Variants in HABP2 observed in about 807,000 individuals in gnomAD.
The protein encoded by HABP2 is factor VII-activating protease.
Under a neutral mutation model 66.5 loss-of-function variants are expected in HABP2, and 65 were observed. That is an observed-to-expected ratio of 0.98 (90% CI 0.80 to 1.20). The LOEUF (loss-of-function observed/expected upper bound fraction) is 1.20. Among genes scored for constraint, HABP2 ranks in the 50% most tolerant of loss-of-function variants. The pLI, the probability that HABP2 is intolerant of heterozygous loss-of-function variation, is 0.00. For missense variants in HABP2, 786 were observed against 691.0 expected (o/e 1.14, Z -1.54); for synonymous variants, 263 against 253.9 (o/e 1.04, Z -0.34).
At chr10:113,567,167 GA>G (rs1489894989) in intron 1 of HABP2, among the ~76,000 whole-genome samples, 5 of 152,152 alleles carry the variant, frequency 3.3e-5, no homozygotes, top group African/African-American at 9.7e-5. Flanking sequence ...GGGAGTAGAT[GA>G]AACTCACTGC....
Position 113,581,976 on chromosome 10 carries a change from A to G in HABP2, c.939A>G (p.Arg313=). Residue 313 remains arginine, a synonymous_variant, in exon 9 of 13, where the codon AGA becomes AGG. Coordinates refer to ENST00000351270, the MANE Select transcript of HABP2 (RefSeq NM_004132.5). ...KTEIAERKIK[R]IYGGFKSTAG... ...AGATAGCAGAGAGGAAGATCAAGAG[A>G]ATCTATGGAGGCTTTAAGAGCACGG... is the stretch of plus-strand genomic sequence containing the variant. 6.2e-7 allele frequency: 1 copy of G among 1,614,172 alleles called. No homozygotes were observed. The highest frequency in any genetic ancestry group is 8.5e-7 in the Non-Finnish European group (1 of 1,180,006).
chr10:113,553,852 G>A (rs1844943465), intron 1 of HABP2, among the ~76,000 whole-genome samples: 1 of 152,180 alleles, frequency 6.6e-6, no homozygotes, highest in African/African-American at 2.4e-5. Flanking sequence ...TTCCGGAGCA[G>A]ATGACTTGTC....
intron 1 of HABP2, among the ~76,000 whole-genome samples, chr10:113,562,379 C>A (rs188088681): frequency 6.6e-6 from 1 of 151,518 alleles, no homozygotes; most frequent in East Asian, 1.9e-4. Context: ...CTTTCTCCAG[C>A]TGTCACTGGG....
intron 2 of HABP2, among the ~76,000 whole-genome samples, chr10:113,573,893 G>A (rs1240916276): frequency 6.6e-6 from 1 of 152,118 alleles, no homozygotes; most frequent in East Asian, 1.9e-4. Context: ...ATCTGACCCC[G>A]GGCAGACCCC....
In HABP2 at chr10:113,582,087, G is replaced by A. The variant is rs2245058; in HGVS notation, c.1050G>A (p.Ala350=). Residue 350 remains alanine, a synonymous_variant, in exon 9 of 13, where the codon GCG becomes GCA. Transcript: ENST00000351270. Reference sequence around the variant, plus strand: ...CCCAGGGCCACTTCTGTGGTGGGGCGCTGATCCACCCCTGCTGGGTGCTCA... The same window carrying A: ...CCCAGGGCCACTTCTGTGGTGGGGCACTGATCCACCCCTGCTGGGTGCTCA... The part of the protein sequence containing the change: ...SMPQGHFCGG[A]LIHPCWVLTA... The A allele has an allele frequency of 0.41, 663,755 of 1,610,138 alleles. 138,222 individuals are homozygous for A. The highest frequency in any genetic ancestry group is 0.5 in the Admixed American group (30,140 of 59,888).
chr10:113,576,081 C>A (rs541504553), intron 4 of HABP2, 77 bp downstream of exon 4: 2 of 828,752 alleles, frequency 2.4e-6, no homozygotes, highest in East Asian at 2.4e-5. Context: ...GAAAGCACTG[C>A]GCAATGCCAT....
rs1303131304 is a variant in HABP2 at position 113,553,147 on chromosome 10, A to T, written c.26A>T (p.His9Leu). 6.2e-7 allele frequency: 1 copy of T among 1,613,746 alleles called. No individual in the cohort carries two copies. The highest frequency in any genetic ancestry group is 1.3e-5 in the African/African-American group (1 of 75,058). ...ATGTTTGCCAGGATGTCTGATCTCC[A>T]TGTTCTGCTGTTAATGGCTCTGGTG... MFARMSDL[H>L]VLLLMALVGK... The change falls in exon 1 of 13, where the codon CAT (histidine) becomes CTT (leucine). Residue 9 changes from histidine (H) to leucine (L), a missense_variant. Transcript: ENST00000351270.
intron 3 of HABP2, 75 bp from the exon 4 acceptor site, chr10:113,575,822 T>G (rs1264221764): frequency 3.8e-6 from 3 of 798,906 alleles, no homozygotes; most frequent in Non-Finnish European, 6.4e-6. Context: ...GACTGAAATT[T>G]GATGAAAAAT....
chr10:113,552,441 GT>G (rs550014324), upstream of HABP2, among the ~76,000 whole-genome samples: 4 of 151,962 alleles, frequency 2.6e-5, no homozygotes, highest in African/African-American at 9.7e-5. Context: ...TGAACACCAT[GT>G]TTTTTTTCCT....
rs886046752 is a variant in HABP2, at chr10:113,589,421, G to A, written c.*1052G>A. On this transcript the variant is annotated 3_prime_UTR_variant, in exon 13 of 13. Transcript: ENST00000351270. ...CCTGGCCCGGGATTGATGTAGCCCC[G>A]GTAGGTTTGCCTCTGCAGAACTAAT... The A allele has an allele frequency of 6.6e-5, 39 of 586,596 alleles. No individual in the cohort carries two copies. Among genetic ancestry groups the A allele is most frequent in the Non-Finnish European group, 1.0e-4 (34 of 333,996 alleles). The allele number at this position is 586,596 out of a possible 1,614,324, so 36.3% of individuals were successfully genotyped here.
intron 11 of HABP2, 50 bp from the exon 12 acceptor site, chr10:113,585,742 GC>G: frequency 6.7e-7 from 1 of 1,488,748 alleles, no homozygotes; most frequent in Non-Finnish European, 9.4e-7. Flanking sequence ...TGGGGTTGGT[GC>G]CACCCTGGTC....
At position 113,588,879 on chromosome 10, in the gene HABP2, G is replaced by T. The variant is rs1845743994; in HGVS notation, c.*510G>T. ...AAAGGAAGATCTGGGATGGGCTGGT[G>T]GGCCATTCCAGCTTGCCGAAATCAA... is the stretch of plus-strand genomic sequence containing the variant. On this transcript the variant is annotated 3_prime_UTR_variant, in exon 13 of 13. Coordinates refer to ENST00000351270, the MANE Select transcript of HABP2 (RefSeq NM_004132.5). The T allele has an allele frequency of 3.6e-6, 3 of 840,386 alleles. No individual in the cohort carries two copies. Among genetic ancestry groups the T allele is most frequent in the Admixed American group, 2.0e-5 (1 of 51,126 alleles). The allele number at this position is 840,386 out of a possible 1,614,324, so 52.1% of individuals were successfully genotyped here.
chr10:113,588,947 G>A lies in HABP2; in HGVS notation c.*578G>A, dbSNP rs376431415. The A allele has an allele frequency of 1.9e-6, 3 of 1,557,764 alleles. No individual in the cohort carries two copies. In the South Asian group the frequency reaches 3.4e-5, roughly 17 times the overall value. ...CTCTGGTGAACAAACTTCCTCTCTG[G>A]CCTCTCAGGAATCAGGGTGGACATG... On this transcript the variant is annotated 3_prime_UTR_variant, in exon 13 of 13. Transcript: ENST00000351270.
rs116938298 is a variant in HABP2 at position 113,588,109 on chromosome 10, C to T, written c.1519-96C>T. 3,233 of 1,019,302 alleles carry T rather than the reference C, an allele frequency of 3.2e-3. 7 individuals are homozygous for T. The highest frequency in any genetic ancestry group is 3.9e-3 in the Non-Finnish European group (2,756 of 707,818). The allele number at this position is 1,019,302 out of a possible 1,614,324, so 63.1% of individuals were successfully genotyped here. On this transcript the variant is annotated intron_variant, in intron 12 of 12. Coordinates refer to ENST00000351270, the MANE Select transcript of HABP2 (RefSeq NM_004132.5). Reference sequence around the variant, plus strand: ...GCCCACGGAGGCTGGCAAGGGACTCCACCCCATCCCTCCCTGACACCCCCT... The same window carrying T: ...GCCCACGGAGGCTGGCAAGGGACTCTACCCCATCCCTCCCTGACACCCCCT...
chr10:113,560,355 G>A (rs901342946), intron 1 of HABP2, among the ~76,000 whole-genome samples: 5 of 152,214 alleles, frequency 3.3e-5, no homozygotes, highest in Admixed American at 1.3e-4. Context: ...TATCATTTTC[G>A]AGAATGGGGA....
At chr10:113,581,693 G>C (rs1029386104) in intron 8 of HABP2, among the ~76,000 whole-genome samples, 183 bp from the exon 9 acceptor site, 1 of 152,198 alleles carries the variant, frequency 6.6e-6, no homozygotes, top group Non-Finnish European at 1.5e-5. Flanking sequence ...TTTATGTTAC[G>C]CAATGTATTC....
At chr10:113,560,616 A>C (rs1344903377) in intron 1 of HABP2, among the ~76,000 whole-genome samples, 1 of 152,240 alleles carries the variant, frequency 6.6e-6, no homozygotes, top group Non-Finnish European at 1.5e-5. Flanking sequence ...GGTGTAAATG[A>C]CCCATGTCCA....
chr10:113,565,624 C>T (rs754976580), intron 1 of HABP2, among the ~76,000 whole-genome samples: 1 of 152,246 alleles, frequency 6.6e-6, no homozygotes, highest in Admixed American at 6.5e-5. Context: ...TGAGGCCCCA[C>T]CTCCAACATT....
At position 113,578,761 on chromosome 10, in the gene HABP2, G is replaced by C. The variant is rs780649236; in HGVS notation, c.703G>C (p.Ala235Pro). The C allele has an allele frequency of 6.2e-6, 10 of 1,612,590 alleles. No homozygotes were observed. The Admixed American group carries it at 1.3e-4, about 21-fold the overall frequency. Residue 235 changes from alanine (A) to proline (P), a missense_variant, in exon 7 of 13, where the codon GCT becomes CCT. Ala to Pro is a conservative substitution (Grantham distance 27). Transcript: ENST00000351270. ...QENYNMFMED[A>P]ETHGIGEHNF... ...GAATTACAACATGTTTATGGAGGAT[G>C]CTGAAACCCATGGGATTGGGGAACA...
Sources: allele counts gnomAD v4.1 joint callset (sites outside exome capture counted in the v4.1 genomes callset), GRCh38; gene constraint gnomAD v4.1.1; transcripts MANE v1.5; gene names NCBI Gene and HGNC (gene_info 2026-07-23, HGNC 2026-07-21).